Variants in ATP8B4 observed in about 807,000 individuals in gnomAD.
ATP8B4 encodes ATPase phospholipid transporting 8B4 (putative).
Under a neutral mutation model 145.6 loss-of-function variants are expected in ATP8B4, and 133 were observed. The ratio of observed to expected loss-of-function variants is 0.91; its 90% CI spans 0.79 to 1.05. The LOEUF is 1.05. ATP8B4 is among the 50% of genes least tolerant of loss of function. ATP8B4 has a pLI of 0.00. For synonymous variants in ATP8B4, 507 were observed against 492.9 expected (o/e 1.03, Z -0.38); for missense variants, 1,458 against 1,425.2 (o/e 1.02, Z -0.37).
intron 3 of ATP8B4, among the ~76,000 whole-genome samples, chr15:50,071,768 C>T (rs1202909129): frequency 1.3e-5 from 2 of 152,172 alleles, no homozygotes; most frequent in African/African-American, 4.8e-5. Flanking sequence ...CTCTCCCAGG[C>T]TAAGAAGCAT....
intron 1 of ATP8B4, among the ~76,000 whole-genome samples, chr15:50,117,933 T>C (rs2057202545): frequency 6.6e-6 from 1 of 152,126 alleles, no homozygotes; most frequent in Non-Finnish European, 1.5e-5. Flanking sequence ...CTCTGTCATA[T>C]GTGGGAGCTA....
Position 50,036,248 on chromosome 15 carries a change from G to A in ATP8B4, c.362+2520C>T, listed in dbSNP as rs374159866. 1.1e-4 allele frequency among the ~76,000 whole-genome samples: 16 copies of A among 152,258 alleles called. No individual in the cohort carries two copies. In the East Asian group the frequency reaches 1.2e-3, roughly 11 times the overall value. ...AAAGGGGAAGAAGCCAAGCAAGAGC[G>A]TGATTGCAGGCAAGTCCTGTCCTCA... On this transcript the variant is annotated intron_variant, in intron 6 of 27. Transcript: ENST00000284509.
intron 26 of ATP8B4, among the ~76,000 whole-genome samples, chr15:49,864,793 T>C (rs977450796): frequency 6.6e-5 from 10 of 152,022 alleles, no homozygotes; most frequent in Admixed American, 6.5e-4. Context: ...TAAAAAGTAC[T>C]ATGTACCAGG....
intron 3 of ATP8B4, among the ~76,000 whole-genome samples, chr15:50,063,524 G>A (rs537254671): frequency 5.3e-5 from 8 of 152,172 alleles, no homozygotes; most frequent in South Asian, 4.1e-4. Context: ...GTGCCAACAA[G>A]CCCTATGACA....
At position 49,909,916 on chromosome 15, in the gene ATP8B4, C is replaced by T. The variant is rs544898864; in HGVS notation, c.2141+7018G>A. Among the ~76,000 whole-genome samples, 20 of 151,942 alleles carry T rather than the reference C, an allele frequency of 1.3e-4. 1 individual carries two copies. In the South Asian group the frequency reaches 1.5e-3, roughly 11 times the overall value. The stretch of plus-strand genomic sequence containing the variant: ...GTTATACCAGATGTGCAGATAGCAA[C>T]GTAAGGACACAAGAAACGTGAAAAA... On this transcript the variant is annotated intron_variant, in intron 20 of 27. Coordinates refer to ENST00000284509, the MANE Select transcript of ATP8B4 (RefSeq NM_024837.4).
intron 1 of ATP8B4, among the ~76,000 whole-genome samples, chr15:50,161,700 A>G (rs764572496): frequency 6.6e-6 from 1 of 151,736 alleles, no homozygotes; most frequent in Non-Finnish European, 1.5e-5. Flanking sequence ...TTTTCTATTT[A>G]TATCTTATTG....
At chr15:49,999,938 A>C (rs2047752113) in intron 8 of ATP8B4, among the ~76,000 whole-genome samples, 1 of 152,160 alleles carries the variant, frequency 6.6e-6, no homozygotes, top group Non-Finnish European at 1.5e-5. Context: ...TTTTATAAAC[A>C]GAATTATACT....
intron 7 of ATP8B4, among the ~76,000 whole-genome samples, chr15:50,004,020 C>T (rs200511553): frequency 8.5e-5 from 13 of 152,146 alleles, no homozygotes; most frequent in South Asian, 4.1e-4. Flanking sequence ...AGGACCAAGA[C>T]GCCTACCTTC....
chr15:49,901,015 G>A (rs2037965242), intron 21 of ATP8B4, 77 bp downstream of exon 21: 1 of 1,497,970 alleles, frequency 6.7e-7, no homozygotes, highest in South Asian at 1.3e-5. Flanking sequence ...GACAAAGGAG[G>A]TCTCATTATG....
intron 6 of ATP8B4, chr15:50,018,903 C>A: frequency 8.0e-7 from 1 of 1,246,004 alleles, no homozygotes; most frequent in Non-Finnish European, 1.1e-6. Flanking sequence ...TTCTCAGGAC[C>A]AGGATAAATC....
Position 49,866,343 on chromosome 15 carries a change from T to G in ATP8B4, c.3166+3A>C. On this transcript the variant is annotated splice_donor_region_variant and intron_variant, in intron 26 of 27. Coordinates refer to ENST00000284509, the MANE Select transcript of ATP8B4 (RefSeq NM_024837.4). ...GTTCCACTAGTCAACATGACTCACT[T>G]ACCAACAAATGGAAACTGGTTTGGG... 6.2e-7 allele frequency: 1 copy of G among 1,613,736 alleles called. No homozygotes were observed. Among genetic ancestry groups the G allele is most frequent in the East Asian group, 2.2e-5 (1 of 44,844 alleles).
chr15:50,115,608 T>G (rs924900243), intron 1 of ATP8B4, among the ~76,000 whole-genome samples: 6 of 151,692 alleles, frequency 4.0e-5, no homozygotes, highest in African/African-American at 1.5e-4. Flanking sequence ...GGAGCAGTGA[T>G]AGTCATGGCA....
At chr15:50,021,522 T>C (rs1599858199) in intron 6 of ATP8B4, among the ~76,000 whole-genome samples, 1 of 152,266 alleles carries the variant, frequency 6.6e-6, no homozygotes, top group East Asian at 1.9e-4. Flanking sequence ...TTTATACTTG[T>C]TGTTTCTTCT....
At chr15:50,036,505 C>T (rs2050846942) in intron 6 of ATP8B4, among the ~76,000 whole-genome samples, 1 of 152,180 alleles carries the variant, frequency 6.6e-6, no homozygotes, top group Non-Finnish European at 1.5e-5. Flanking sequence ...CAACAGCATC[C>T]TCCATAACCG....
intron 1 of ATP8B4, among the ~76,000 whole-genome samples, chr15:50,147,274 G>T (rs1359137223): frequency 1.3e-5 from 2 of 151,974 alleles, no homozygotes; most frequent in African/African-American, 4.8e-5. Flanking sequence ...GAATTAGTCG[G>T]GTGTGGTGCT....
At chr15:50,072,164 T>C (rs2053785582) in intron 3 of ATP8B4, among the ~76,000 whole-genome samples, 1 of 151,990 alleles carries the variant, frequency 6.6e-6, no homozygotes, top group Admixed American at 6.6e-5. Context: ...CTGACCAAAA[T>C]TCTCTCTCCT....
intron 17 of ATP8B4, chr15:49,922,486 C>T (rs2040351311): frequency 1.1e-5 from 4 of 379,626 alleles, no homozygotes; most frequent in South Asian, 7.7e-5. Flanking sequence ...TATTACCAAA[C>T]CATCATTTTT....
At chr15:50,129,700 T>G (rs887034700) in intron 1 of ATP8B4, among the ~76,000 whole-genome samples, 11 of 152,090 alleles carry the variant, frequency 7.2e-5, no homozygotes, top group Non-Finnish European at 1.3e-4. Flanking sequence ...GGGATTTTAA[T>G]TAATGGCCAG....
intron 3 of ATP8B4, among the ~76,000 whole-genome samples, chr15:50,055,699 A>T (rs1303155521): frequency 6.6e-6 from 1 of 152,254 alleles, no homozygotes; most frequent in African/African-American, 2.4e-5. Flanking sequence ...TTCCAGAGAC[A>T]GAAATAATCC....
Sources: allele counts gnomAD v4.1 joint callset (sites outside exome capture counted in the v4.1 genomes callset), GRCh38; gene constraint gnomAD v4.1.1; transcripts MANE v1.5; gene names NCBI Gene and HGNC (gene_info 2026-07-23, HGNC 2026-07-21).